PDE8B: variants seen among roughly 807,000 people sequenced by gnomAD.
PDE8B encodes phosphodiesterase 8B, also known as high affinity cAMP-specific and IBMX-insensitive 3',5'-cyclic phosphodiesterase 8B.
PDE8B carries 26 observed loss-of-function variants against 101.3 expected under a neutral mutation model. The observed-to-expected ratio is 0.26, with a 90% CI of 0.19 to 0.36. The LOEUF (loss-of-function observed/expected upper bound fraction) is 0.36. PDE8B is among the 10% of genes least tolerant of loss of function. The pLI, the probability that PDE8B is intolerant of heterozygous loss-of-function variation, is 1.00. For missense variants in PDE8B, 810 were observed against 1,163.1 expected (o/e 0.70, Z 4.42); for synonymous variants, 424 against 429.3 (o/e 0.99, Z 0.15).
chr5:77,146,988 G>T, the PDE8B span: 1 of 469,564 alleles, frequency 2.1e-6, no homozygotes, highest in South Asian at 1.7e-5. Context: ...TGCCTCAGAT[G>T]ATAAGCAGCC....
At chr5:77,101,469 T>C in the PDE8B span, among the ~76,000 whole-genome samples, 1 of 152,248 alleles carries the variant, frequency 6.6e-6, no homozygotes, top group South Asian at 2.1e-4. Context: ...ATTCAGTTCA[T>C]CCAAAATCCT....
At chr5:77,272,429 G>C (rs1299239652) in intron 1 of PDE8B, among the ~76,000 whole-genome samples, 1 of 152,168 alleles carries the variant, frequency 6.6e-6, no homozygotes, top group Non-Finnish European at 1.5e-5. Flanking sequence ...GTGGTGCCTC[G>C]AACATGTCCT....
the PDE8B span, among the ~76,000 whole-genome samples, chr5:77,126,889 A>G: frequency 2.0e-5 from 3 of 152,166 alleles, no homozygotes; most frequent in African/African-American, 7.2e-5. Flanking sequence ...CCTTAGTGCT[A>G]TGGCAAGCTC....
Position 77,421,869 on chromosome 5 carries a change from G to C in PDE8B, c.2299G>C (p.Glu767Gln). The C allele has an allele frequency of 6.2e-7, 1 of 1,614,136 alleles. No individual in the cohort carries two copies. The highest frequency in any genetic ancestry group is 8.5e-7 in the Non-Finnish European group (1 of 1,180,010). The change falls in exon 20 of 22, where the codon GAA becomes CAA. Residue 767 changes from glutamate to glutamine, a missense_variant. Physicochemically the swap from Glu to Gln is conservative, Grantham distance 29 (BLOSUM62 2). Coordinates refer to ENST00000264917, the MANE Select transcript of PDE8B (RefSeq NM_003719.5). ...ECNPAGKNFP[E>Q]NQILIKRMMI... ...CAACCCTGCTGGGAAGAACTTCCCT[G>C]AAAACCAAATCCTGATCAAACGCAT...
chr5:77,326,045 G>T (rs779371513), intron 3 of PDE8B, among the ~76,000 whole-genome samples: 4 of 152,158 alleles, frequency 2.6e-5, no homozygotes, highest in Non-Finnish European at 5.9e-5. Flanking sequence ...GCATTACACA[G>T]ATACGGTTTG....
chr5:77,228,499 A>T (rs1216663024), intron 1 of PDE8B, among the ~76,000 whole-genome samples: 2 of 152,046 alleles, frequency 1.3e-5, no homozygotes, highest in Non-Finnish European at 1.5e-5. Context: ...CAGTGTCTGG[A>T]TGTCTGAGTG....
At chr5:77,195,288 G>A in the PDE8B span, among the ~76,000 whole-genome samples, 1 of 152,164 alleles carries the variant, frequency 6.6e-6, no homozygotes, top group Non-Finnish European at 1.5e-5. Flanking sequence ...ATCCATTCAT[G>A]AGGGCAAATA....
chr5:77,401,526 C>T (rs1320692011), intron 11 of PDE8B, among the ~76,000 whole-genome samples: 1 of 152,212 alleles, frequency 6.6e-6, no homozygotes, highest in Non-Finnish European at 1.5e-5. Context: ...TACAAAATCT[C>T]TCCATGCTTA....
chr5:77,176,016 T>C, the PDE8B span, among the ~76,000 whole-genome samples: 1 of 152,210 alleles, frequency 6.6e-6, no homozygotes, highest in Admixed American at 6.5e-5. Context: ...GGGTTATCAG[T>C]AGATAACTGC....
At chr5:77,263,140 G>A (rs1001914887) in intron 1 of PDE8B, among the ~76,000 whole-genome samples, 2 of 152,232 alleles carry the variant, frequency 1.3e-5, no homozygotes, top group East Asian at 1.9e-4. Flanking sequence ...AAAATGATCA[G>A]TGGATCATAC....
chr5:77,144,872 A>G, the PDE8B span: 1 of 152,108 alleles, frequency 6.6e-6, no homozygotes, highest in African/African-American at 2.4e-5. Context: ...AAATTCTTCA[A>G]TGTCTGAGAG....
Position 77,253,282 on chromosome 5 carries a change from C to G in PDE8B, c.339+42018C>G, listed in dbSNP as rs1015715112. Among the ~76,000 whole-genome samples the G allele has an allele frequency of 5.3e-5, 8 of 152,124 alleles. No homozygotes were observed. The East Asian group carries it at 1.5e-3, about 29-fold the overall frequency. On this transcript the variant is annotated intron_variant, in intron 1 of 21. Coordinates refer to ENST00000264917, the MANE Select transcript of PDE8B (RefSeq NM_003719.5). ...GTAAAGGATCGTAGTAATCAAGTCA[C>G]ACTTGAAAATTCTTCACCTGGAGAC... is the stretch of plus-strand genomic sequence containing the variant.
At chr5:77,393,004 A>G (rs1001586999) in intron 10 of PDE8B, among the ~76,000 whole-genome samples, 3 of 152,250 alleles carry the variant, frequency 2.0e-5, no homozygotes, top group African/African-American at 7.2e-5. Context: ...TTAGCCAACT[A>G]GAAGAACATT....
intron 1 of PDE8B, among the ~76,000 whole-genome samples, chr5:77,287,888 G>A (rs1766382138): frequency 6.6e-6 from 1 of 152,116 alleles, no homozygotes. Context: ...TCAAGTCTGT[G>A]TGTGTAACCC....
intron 1 of PDE8B, among the ~76,000 whole-genome samples, chr5:77,260,046 C>G (rs1760145776): frequency 6.6e-6 from 1 of 151,768 alleles, no homozygotes; most frequent in South Asian, 2.1e-4. Flanking sequence ...TGCCTATAAT[C>G]CCAGCTACTT....
chr5:77,168,629 G>A, the PDE8B span, among the ~76,000 whole-genome samples: 1 of 152,236 alleles, frequency 6.6e-6, no homozygotes, highest in South Asian at 2.1e-4. Context: ...TTAGGGATGT[G>A]CCTGTGATGG....
intron 10 of PDE8B, among the ~76,000 whole-genome samples, chr5:77,365,905 G>A (rs1260050601): frequency 6.6e-6 from 1 of 152,186 alleles, no homozygotes; most frequent in Non-Finnish European, 1.5e-5. Flanking sequence ...CCTCTTCCTG[G>A]AACTGGCTTC....
At chr5:77,406,238 C>A (rs1162320970) in intron 12 of PDE8B, among the ~76,000 whole-genome samples, 4 of 151,954 alleles carry the variant, frequency 2.6e-5, no homozygotes, top group Non-Finnish European at 4.4e-5. Context: ...TGAGCTAGAT[C>A]GTGCCTCCAG....
At chr5:77,347,838 A>G (rs1417375678) in intron 7 of PDE8B, among the ~76,000 whole-genome samples, 1 of 152,090 alleles carries the variant, frequency 6.6e-6, no homozygotes, top group African/African-American at 2.4e-5. Flanking sequence ...AAAGGCCCGG[A>G]GATGAGAGAG....
Sources: allele counts gnomAD v4.1 joint callset (sites outside exome capture counted in the v4.1 genomes callset), GRCh38; gene constraint gnomAD v4.1.1; transcripts MANE v1.5; gene names NCBI Gene and HGNC (gene_info 2026-07-23, HGNC 2026-07-21).